Variants in LRRTM4 observed in about 807,000 individuals in gnomAD.
LRRTM4 encodes leucine rich repeat transmembrane neuronal 4, also known as leucine-rich repeat transmembrane neuronal protein 4.
Under a neutral mutation model 47.6 loss-of-function variants are expected in LRRTM4, and 25 were observed. That is an observed-to-expected ratio of 0.53 (90% CI 0.38 to 0.73). The LOEUF is 0.73. LRRTM4 is among the 30% of genes least tolerant of loss of function. The pLI is 0.00. For missense variants in LRRTM4, 638 were observed against 713.4 expected (o/e 0.89, Z 1.20); for synonymous variants, 311 against 269.5 (o/e 1.15, Z -1.51).
chr2:77,315,906 G>A (rs1677604897), intron 3 of LRRTM4, among the ~76,000 whole-genome samples: 1 of 152,186 alleles, frequency 6.6e-6, no homozygotes, highest in African/African-American at 2.4e-5. Context: ...CTCCTGCCAT[G>A]AAGATATAAG....
At chr2:77,073,800 A>G (rs997435943) in intron 3 of LRRTM4, among the ~76,000 whole-genome samples, 2 of 151,926 alleles carry the variant, frequency 1.3e-5, no homozygotes, top group Admixed American at 1.3e-4. Context: ...TCACTTTACA[A>G]TAGTTTTAAA....
At chr2:76,930,329 C>T (rs1034153259) in intron 3 of LRRTM4, among the ~76,000 whole-genome samples, 4 of 152,186 alleles carry the variant, frequency 2.6e-5, no homozygotes, top group South Asian at 2.1e-4. Flanking sequence ...TGCGTGTGCA[C>T]GCATGCGTGC....
chr2:77,489,274 T>C (rs1253420277), intron 3 of LRRTM4, among the ~76,000 whole-genome samples: 3 of 152,194 alleles, frequency 2.0e-5, no homozygotes, highest in Non-Finnish European at 4.4e-5. Flanking sequence ...ATAAGTTATG[T>C]CCACAGGTAG....
At chr2:76,909,648 GA>G (rs1274489148) in intron 3 of LRRTM4, among the ~76,000 whole-genome samples, 14 of 151,670 alleles carry the variant, frequency 9.2e-5, no homozygotes, top group Non-Finnish European at 5.9e-5. Context: ...AAATTTACAA[GA>G]AAAAAACAAA....
chr2:77,488,518 AC>A (rs1678014587), intron 3 of LRRTM4, among the ~76,000 whole-genome samples: 1 of 152,190 alleles, frequency 6.6e-6, no homozygotes, highest in Admixed American at 6.5e-5. Context: ...AGGCAAAGGC[AC>A]CACTGATCAC....
intron 3 of LRRTM4, among the ~76,000 whole-genome samples, chr2:77,031,192 T>C (rs1678642716): frequency 6.6e-6 from 1 of 152,308 alleles, no homozygotes; most frequent in South Asian, 2.1e-4. Flanking sequence ...TTAACTATTG[T>C]TTGTTTACAT....
chr2:77,468,256 A>G (rs1449302106), intron 3 of LRRTM4, among the ~76,000 whole-genome samples: 1 of 151,826 alleles, frequency 6.6e-6, no homozygotes, highest in Non-Finnish European at 1.5e-5. Context: ...TTTTTTTTTC[A>G]TTCTTCCATT....
intron 3 of LRRTM4, among the ~76,000 whole-genome samples, chr2:77,215,549 C>T (rs1674413165): frequency 6.6e-6 from 1 of 151,996 alleles, no homozygotes; most frequent in African/African-American, 2.4e-5. Context: ...GGTATCTCCT[C>T]ATTAAATACA....
chr2:77,515,309 CAT>C (rs1679166031), intron 3 of LRRTM4, among the ~76,000 whole-genome samples: 1 of 151,682 alleles, frequency 6.6e-6, no homozygotes, highest in Non-Finnish European at 1.5e-5. Flanking sequence ...ACTTGCAAAA[CAT>C]AGAGAAAATT....
At chr2:77,220,353 G>A (rs539787336) in intron 3 of LRRTM4, among the ~76,000 whole-genome samples, 20 of 152,330 alleles carry the variant, frequency 1.3e-4, no homozygotes, top group African/African-American at 3.8e-4. Context: ...AAAGCTGGAC[G>A]CAGAATGACT....
intron 3 of LRRTM4, among the ~76,000 whole-genome samples, chr2:76,781,039 C>G (rs1466962221): frequency 2.6e-5 from 4 of 152,160 alleles, no homozygotes; most frequent in African/African-American, 7.2e-5. Flanking sequence ...TCAGTGTGCC[C>G]GTGCTTGGGG....
chr2:76,795,337 CTG>C (rs1246174558), intron 3 of LRRTM4, among the ~76,000 whole-genome samples: 2 of 142,682 alleles, frequency 1.4e-5, no homozygotes, highest in African/African-American at 4.9e-5. Context: ...TCTTTCATGT[CTG>C]TGAGTTCTAT....
chr2:76,944,848 C>A (rs974058211), intron 3 of LRRTM4, among the ~76,000 whole-genome samples: 6 of 151,914 alleles, frequency 3.9e-5, no homozygotes, highest in African/African-American at 1.2e-4. Context: ...AGAAAACAAT[C>A]AGAATAATCT....
At chr2:77,026,621 T>A (rs1678463126) in intron 3 of LRRTM4, among the ~76,000 whole-genome samples, 2 of 152,056 alleles carry the variant, frequency 1.3e-5, no homozygotes, top group African/African-American at 2.4e-5. Flanking sequence ...TTATTATATA[T>A]GTAAATCCTT....
chr2:77,235,078 C>G (rs1283684057), intron 3 of LRRTM4, among the ~76,000 whole-genome samples: 2 of 152,152 alleles, frequency 1.3e-5, no homozygotes, highest in Admixed American at 1.3e-4. Flanking sequence ...TTTTACATGG[C>G]TGCATAGCAT....
At chr2:77,468,234 A>G (rs1442432750) in intron 3 of LRRTM4, among the ~76,000 whole-genome samples, 1 of 152,224 alleles carries the variant, frequency 6.6e-6, no homozygotes, top group Non-Finnish European at 1.5e-5. Flanking sequence ...TTATATGTTT[A>G]GGTATCACTG....
chr2:77,308,558 A>T (rs1475282615), intron 3 of LRRTM4, among the ~76,000 whole-genome samples: 1 of 152,112 alleles, frequency 6.6e-6, no homozygotes, highest in African/African-American at 2.4e-5. Context: ...TAACATATAT[A>T]AGCCTGTATG....
At chr2:77,083,871 C>T (rs935558056) in intron 3 of LRRTM4, among the ~76,000 whole-genome samples, 1 of 125,934 alleles carries the variant, frequency 7.9e-6, no homozygotes, top group South Asian at 2.8e-4. Context: ...ATGGTGAGAT[C>T]TGGGCTCACT....
At chr2:76,935,610 G>T (rs1468885743) in intron 3 of LRRTM4, among the ~76,000 whole-genome samples, 1 of 152,064 alleles carries the variant, frequency 6.6e-6, no homozygotes, top group East Asian at 1.9e-4. Flanking sequence ...TCTCTTAGTA[G>T]CAATTGTGAA....
Sources: allele counts gnomAD v4.1 joint callset (sites outside exome capture counted in the v4.1 genomes callset), GRCh38; gene constraint gnomAD v4.1.1; transcripts MANE v1.5; gene names NCBI Gene and HGNC (gene_info 2026-07-23, HGNC 2026-07-21).